Variants in HUNK observed in about 807,000 individuals in gnomAD.
HUNK encodes hormonally up-regulated neu tumor-associated kinase.
Under a neutral mutation model 61.0 loss-of-function variants are expected in HUNK, and 21 were observed. That is an observed-to-expected ratio of 0.34 (90% CI 0.24 to 0.50). The LOEUF is 0.50. Ranked by LOEUF, HUNK falls within the 20% of genes least tolerant of loss-of-function variation. The pLI, the probability that HUNK is intolerant of heterozygous loss-of-function variation, is 0.98. For synonymous variants in HUNK, 371 were observed against 386.1 expected (o/e 0.96, Z 0.46); for missense variants, 772 against 945.7 (o/e 0.82, Z 2.41).
At chr21:31,930,138 G>A (rs963601279) in intron 2 of HUNK, among the ~76,000 whole-genome samples, 4 of 152,196 alleles carry the variant, frequency 2.6e-5, no homozygotes, top group African/African-American at 9.6e-5. Context: ...GTGCTGATGC[G>A]AAAGCCTGAC....
chr21:31,916,786 C>T (rs983336802), intron 1 of HUNK, among the ~76,000 whole-genome samples: 1 of 151,976 alleles, frequency 6.6e-6, no homozygotes, highest in Non-Finnish European at 1.5e-5. Context: ...AAGTGATTCT[C>T]CTGCCTCAGC....
At chr21:31,927,630 C>T (rs1047053031) in intron 2 of HUNK, among the ~76,000 whole-genome samples, 2 of 150,818 alleles carry the variant, frequency 1.3e-5, no homozygotes, top group Non-Finnish European at 2.9e-5. Flanking sequence ...GACAACAGAG[C>T]GAGACTTGTC....
intron 1 of HUNK, among the ~76,000 whole-genome samples, chr21:31,874,528 C>A (rs985262537): frequency 3.3e-5 from 5 of 152,182 alleles, no homozygotes; most frequent in Admixed American, 1.3e-4. Context: ...TTTGCCTCCG[C>A]CCTCCACTTG....
chr21:31,974,913 CA>C (rs939820820), intron 7 of HUNK, among the ~76,000 whole-genome samples, 196 bp downstream of exon 7: 9 of 151,908 alleles, frequency 5.9e-5, no homozygotes, highest in African/African-American at 2.2e-4. Context: ...CAATGTTTTT[CA>C]AATACTCTCC....
intron 1 of HUNK, among the ~76,000 whole-genome samples, chr21:31,879,823 C>CAT (rs2052292968): frequency 6.6e-6 from 1 of 152,136 alleles, no homozygotes; most frequent in East Asian, 1.9e-4. Context: ...TGCCTTGGGA[C>CAT]ATATATTCCC....
chr21:31,920,649 C>T (rs1226798569), intron 1 of HUNK, among the ~76,000 whole-genome samples: 1 of 152,146 alleles, frequency 6.6e-6, no homozygotes, highest in African/African-American at 2.4e-5. Context: ...TTTAGCATCC[C>T]TTGAACTACT....
At chr21:31,981,268 T>C (rs558768628) in intron 7 of HUNK, among the ~76,000 whole-genome samples, 10 of 152,330 alleles carry the variant, frequency 6.6e-5, no homozygotes, top group African/African-American at 2.4e-4. Flanking sequence ...AGCTTTGTGA[T>C]GTGTTTTGAA....
At chr21:31,991,080 G>A (rs2053169161) in intron 9 of HUNK, among the ~76,000 whole-genome samples, 2 of 152,190 alleles carry the variant, frequency 1.3e-5, no homozygotes, top group Admixed American at 6.5e-5. Context: ...ATTGGTTCTT[G>A]CTATGCGGAA....
At chr21:31,994,929 G>A (rs2053193817) in intron 9 of HUNK, among the ~76,000 whole-genome samples, 1 of 152,168 alleles carries the variant, frequency 6.6e-6, no homozygotes. Flanking sequence ...AGAGACAGGA[G>A]GGTTGCTTGA....
intron 1 of HUNK, among the ~76,000 whole-genome samples, chr21:31,917,751 CACA>C (rs2052595153): frequency 1.4e-4 from 21 of 145,186 alleles, no homozygotes; most frequent in Non-Finnish European, 2.7e-4. Flanking sequence ...CACACACACA[CACA>C]CACCCCTGGA....
chr21:31,890,032 T>C (rs1034288654), intron 1 of HUNK, among the ~76,000 whole-genome samples: 2 of 152,186 alleles, frequency 1.3e-5, no homozygotes, highest in African/African-American at 4.8e-5. Context: ...GCATTAAGAA[T>C]TTTAAAATTC....
chr21:31,981,512 C>T (rs1442537053), intron 7 of HUNK, among the ~76,000 whole-genome samples: 1 of 151,940 alleles, frequency 6.6e-6, no homozygotes, highest in African/African-American at 2.4e-5. Flanking sequence ...TTTTCATTTA[C>T]TTGTGTCTTC....
intron 5 of HUNK, among the ~76,000 whole-genome samples, chr21:31,960,422 T>G (rs2052919352): frequency 1.3e-5 from 2 of 152,164 alleles, no homozygotes; most frequent in Non-Finnish European, 2.9e-5. Context: ...TAAAAACTTT[T>G]CATTGTGATG....
intron 4 of HUNK, among the ~76,000 whole-genome samples, chr21:31,955,209 A>AT (rs1379782414): frequency 6.6e-6 from 1 of 151,996 alleles, no homozygotes; most frequent in African/African-American, 2.4e-5. Context: ...TCACTGACAC[A>AT]TTAAGTCCAC....
intron 7 of HUNK, among the ~76,000 whole-genome samples, chr21:31,983,175 C>A (rs1394431713): frequency 2.0e-5 from 3 of 152,206 alleles, no homozygotes; most frequent in African/African-American, 7.2e-5. Context: ...ATAAGTTATT[C>A]TTTCCAGCTC....
rs750473729 is a variant in HUNK, at chr21:31,983,543, C to T, written c.1191C>T (p.Asp397=). Residue 397 remains aspartate (D), a synonymous_variant, in exon 8 of 11, where the codon GAC becomes GAT. Coordinates refer to ENST00000270112, the MANE Select transcript of HUNK (RefSeq NM_014586.2). ...RYLSGKSDIQ[D]SLCYKTRLYQ... ...TCTGGTAGAAATCTGACATCCAGGA[C>T]AGCCTCTGCTACAAGACCCGGCTCT... 14 of 1,613,648 alleles carry T rather than the reference C, an allele frequency of 8.7e-6. No homozygotes were observed. Among genetic ancestry groups the T allele is most frequent in the Non-Finnish European group, 1.0e-5 (12 of 1,179,804 alleles).
intron 4 of HUNK, among the ~76,000 whole-genome samples, chr21:31,947,247 G>GTC (rs1033964476): frequency 8.5e-6 from 1 of 117,770 alleles, no homozygotes; most frequent in Non-Finnish European, 1.8e-5. Flanking sequence ...CCACATCCCA[G>GTC]TCTCAAGCCA....
chr21:31,983,681 G>C (rs1284480389), intron 8 of HUNK, 72 bp downstream of exon 8: 10 of 1,066,562 alleles, frequency 9.4e-6, no homozygotes, highest in Non-Finnish European at 1.4e-5. Context: ...AATTGGAAAA[G>C]AAACCAATTA....
intron 10 of HUNK, 56 bp downstream of exon 10, chr21:31,996,004 G>A (rs768036040): frequency 1.5e-5 from 20 of 1,340,562 alleles, no homozygotes; most frequent in South Asian, 5.2e-5. Context: ...TGTGTCCGCT[G>A]TGTAGCCCTC....
Sources: gnomAD v4.1 joint callset for allele counts (sites outside exome capture counted in the v4.1 genomes callset) on GRCh38, gnomAD v4.1.1 for gene constraint, MANE v1.5 for transcripts, NCBI Gene and HGNC (gene_info 2026-07-23, HGNC 2026-07-21) for gene names.